Variants in COL23A1 observed in about 807,000 individuals in gnomAD.
The protein encoded by COL23A1 is collagen type XXIII alpha 1 chain.
A neutral mutation model predicts 99.3 loss-of-function variants in COL23A1; 97 were observed. The observed-to-expected ratio is 0.98, with a 90% CI of 0.83 to 1.16. The LOEUF (loss-of-function observed/expected upper bound fraction) is 1.16. Ranked by LOEUF, COL23A1 falls within the 50% of genes most tolerant of loss-of-function variation. The pLI is 0.00. For missense variants in COL23A1, 762 were observed against 757.4 expected, an observed-to-expected ratio of 1.01 and a Z score of -0.07; for synonymous variants, 320 against 308.2, an observed-to-expected ratio of 1.04 and a Z score of -0.40.
chr5:178,425,450 TAAATA>T (rs1159484113), intron 2 of COL23A1, among the ~76,000 whole-genome samples: 11 of 150,206 alleles, frequency 7.3e-5, no homozygotes, highest in South Asian at 2.1e-4. Flanking sequence ...AATAAATAAA[TAAATA>T]AATAAATAAA....
chr5:178,346,137 T>TAA lies in COL23A1; in HGVS notation c.362-39220_362-39219dup, dbSNP rs111319018. ...TCTTTTGGAATTAAAGTAGATTTGT[T>TAA]AAAAAAAAATCGCTGTAAATTGTCA... On this transcript the variant is annotated intron_variant, in intron 2 of 28. Transcript: ENST00000390654. Among the ~76,000 whole-genome samples the TAA allele has an allele frequency of 1.3e-4, 19 of 151,694 alleles. No individual in the cohort carries two copies. In the South Asian group the frequency reaches 2.1e-3, roughly 17 times the overall value.
chr5:178,479,547 A>G (rs1757219161), intron 2 of COL23A1, among the ~76,000 whole-genome samples: 1 of 152,204 alleles, frequency 6.6e-6, no homozygotes, highest in South Asian at 2.1e-4. Context: ...ACCAGAGTAC[A>G]TGGGACCCGT....
At chr5:178,493,720 T>C (rs531588391) in intron 2 of COL23A1, among the ~76,000 whole-genome samples, 127 of 152,328 alleles carry the variant, frequency 8.3e-4, no homozygotes, top group African/African-American at 2.9e-3. Context: ...AGACCTGACA[T>C]CTGGAAATAC....
chr5:178,498,205 AATAT>A (rs1159261586), intron 2 of COL23A1, among the ~76,000 whole-genome samples: 695 of 34,006 alleles, frequency 0.02, 10 homozygotes, highest in Non-Finnish European at 0.027. Context: ...TCTTTATTTA[AATAT>A]ATATATATAT....
intron 1 of COL23A1, among the ~76,000 whole-genome samples, chr5:178,583,310 C>A (rs1763754260): frequency 6.6e-6 from 1 of 152,208 alleles, no homozygotes; most frequent in East Asian, 1.9e-4. Context: ...TTCTCTAGAA[C>A]ACAGCTCCAG....
intron 2 of COL23A1, among the ~76,000 whole-genome samples, chr5:178,390,522 A>C (rs935836095): frequency 1.3e-5 from 2 of 152,240 alleles, no homozygotes; most frequent in Non-Finnish European, 2.9e-5. Flanking sequence ...CAGGACAATG[A>C]AGGGCAGAGA....
intron 2 of COL23A1, among the ~76,000 whole-genome samples, chr5:178,530,470 G>A (rs2113199401): frequency 6.6e-6 from 1 of 152,088 alleles, no homozygotes; most frequent in Admixed American, 6.6e-5. Context: ...CAAAAAAAAA[G>A]GCAGAGTCTA....
chr5:178,404,096 C>A (rs955508116), intron 2 of COL23A1, among the ~76,000 whole-genome samples: 3 of 152,204 alleles, frequency 2.0e-5, no homozygotes, highest in Non-Finnish European at 4.4e-5. Flanking sequence ...ACCCTGCCTC[C>A]ATTCATGTAG....
intron 11 of COL23A1, among the ~76,000 whole-genome samples, chr5:178,260,471 G>A (rs1765567600): frequency 6.6e-6 from 1 of 152,196 alleles, no homozygotes; most frequent in African/African-American, 2.4e-5. Flanking sequence ...TGACACTCTG[G>A]GAAAGGCAAA....
intron 1 of COL23A1, among the ~76,000 whole-genome samples, chr5:178,567,086 G>C (rs900617802): frequency 6.6e-6 from 1 of 152,168 alleles, no homozygotes; most frequent in Non-Finnish European, 1.5e-5. Context: ...AATCAGTATC[G>C]AAGACATAAC....
chr5:178,239,098 C>G, intron 28 of COL23A1, 43 bp downstream of exon 28: 7 of 1,611,520 alleles, frequency 4.3e-6, no homozygotes, highest in Non-Finnish European at 5.9e-6. Context: ...CCACCCTCCC[C>G]TGCCTCTCCC....
chr5:178,584,744 T>C (rs1400580463), intron 1 of COL23A1, among the ~76,000 whole-genome samples: 5 of 152,056 alleles, frequency 3.3e-5, no homozygotes, highest in South Asian at 2.1e-4. Context: ...GGCAGGATAG[T>C]AGGGGGTAAC....
At chr5:178,389,557 C>G (rs1311866011) in intron 2 of COL23A1, among the ~76,000 whole-genome samples, 3 of 152,210 alleles carry the variant, frequency 2.0e-5, no homozygotes, top group African/African-American at 7.2e-5. Flanking sequence ...CCCACTGACA[C>G]TAATTCAATG....
chr5:178,248,156 GT>G (rs1764813330), intron 20 of COL23A1, 35 bp downstream of exon 20: 1 of 1,442,360 alleles, frequency 6.9e-7, no homozygotes. Context: ...TGGACTGGGT[GT>G]TGGGGGAAGC....
intron 2 of COL23A1, among the ~76,000 whole-genome samples, chr5:178,508,517 G>T (rs1759006908): frequency 6.6e-6 from 1 of 152,202 alleles, no homozygotes; most frequent in South Asian, 2.1e-4. Context: ...ACTCTGGCAG[G>T]AAAAGATGGG....
At position 178,510,308 on chromosome 5, in the gene COL23A1, G is replaced by A. The variant is rs546054030; in HGVS notation, c.361+50374C>T. On this transcript the variant is annotated intron_variant, in intron 2 of 28. Transcript: ENST00000390654. ...TGTAATCCCTGCACTTTGGGAGGCC[G>A]AGGCGGGCGGATCACTTGAGGTCAG... Among the ~76,000 whole-genome samples the A allele has an allele frequency of 9.2e-5, 14 of 152,290 alleles. 1 individual carries two copies. In the South Asian group the frequency reaches 2.9e-3, roughly 32 times the overall value.
intron 27 of COL23A1, 89 bp from the exon 28 acceptor site, chr5:178,239,268 G>T (rs1424104256): frequency 5.1e-5 from 75 of 1,461,390 alleles, no homozygotes; most frequent in Non-Finnish European, 6.7e-5. Context: ...GTAGGGAGGT[G>T]CAGGCCAGGG....
At chr5:178,577,142 C>A (rs1763414047) in intron 1 of COL23A1, among the ~76,000 whole-genome samples, 1 of 152,174 alleles carries the variant, frequency 6.6e-6, no homozygotes, top group Non-Finnish European at 1.5e-5. Context: ...CTCCCAAGGC[C>A]CAGCGGGTCC....
At chr5:178,382,818 C>G (rs375607699) in intron 2 of COL23A1, among the ~76,000 whole-genome samples, 145 of 152,338 alleles carry the variant, frequency 9.5e-4, no homozygotes, top group African/African-American at 3.0e-3. Flanking sequence ...CACCCCTCCC[C>G]ACCGCCTTGG....
Sources: allele counts gnomAD v4.1 joint callset (sites outside exome capture counted in the v4.1 genomes callset), GRCh38; gene constraint gnomAD v4.1.1; transcripts MANE v1.5; gene names NCBI Gene and HGNC (gene_info 2026-07-23, HGNC 2026-07-21).